The following ZSWIM5 variants were observed in gnomAD, a reference collection of about 807,000 sequenced individuals.
The protein encoded by ZSWIM5 is zinc finger SWIM domain-containing protein 5.
ZSWIM5 carries 55 observed loss-of-function variants against 119.6 expected under a neutral mutation model. The ratio of observed to expected loss-of-function variants is 0.46; its 90% CI spans 0.37 to 0.58. The LOEUF (loss-of-function observed/expected upper bound fraction) is 0.58. ZSWIM5 is among the 20% of genes least tolerant of loss of function. The pLI is 0.00. For missense variants in ZSWIM5, 1,193 were observed against 1,512.8 expected (o/e 0.79, Z 3.51); for synonymous variants, 537 against 606.9 (o/e 0.88, Z 1.69).
chr1:45,040,027 A>T (rs943485107), intron 7 of ZSWIM5, among the ~76,000 whole-genome samples: 1 of 150,500 alleles, frequency 6.6e-6, no homozygotes, highest in Non-Finnish European at 1.5e-5. Flanking sequence ...TTGTAAAGAT[A>T]GGGTCTCACC....
intron 1 of ZSWIM5, among the ~76,000 whole-genome samples, chr1:45,108,487 A>T: frequency 1.3e-5 from 2 of 152,338 alleles, no homozygotes; most frequent in South Asian, 4.1e-4. Context: ...TTTATTTTAA[A>T]GTATTAAAAA....
chr1:45,096,249 T>A lies in ZSWIM5; in HGVS notation c.596-8012A>T, dbSNP rs191720508. On this transcript the variant is annotated intron_variant, in intron 1 of 13. Transcript: ENST00000359600. Reference sequence around the variant, plus strand: ...GTATAAAGAGAAGCAATATATAATGTTAGACTTGGTAGTGTACCACAGTTA... The same window carrying A: ...GTATAAAGAGAAGCAATATATAATGATAGACTTGGTAGTGTACCACAGTTA... 6.2e-4 allele frequency among the ~76,000 whole-genome samples: 95 copies of A among 152,176 alleles called. 1 individual carries two copies. The highest frequency in any genetic ancestry group is 1.2e-4 in the Non-Finnish European group (8 of 67,994).
chr1:45,085,301 G>A (rs346705), intron 2 of ZSWIM5, among the ~76,000 whole-genome samples: 23,287 of 152,060 alleles, frequency 0.15, 1,812 homozygotes, highest in African/African-American at 0.16. Context: ...TCCCTCCTAG[G>A]TCTCTGGGCC....
chr1:45,143,892 TATA>T (rs908959990), intron 1 of ZSWIM5, among the ~76,000 whole-genome samples: 11 of 151,594 alleles, frequency 7.3e-5, no homozygotes, highest in African/African-American at 2.4e-5. Context: ...AAAAAACAAT[TATA>T]ATAACTTCAA....
intron 1 of ZSWIM5, among the ~76,000 whole-genome samples, chr1:45,204,337 TTTTCAGTG>T (rs2149058804): frequency 6.6e-6 from 1 of 152,310 alleles, no homozygotes; most frequent in Non-Finnish European, 1.5e-5. Flanking sequence ...TATTTTCATG[TTTTCAGTG>T]TTTCAGTATT....
intron 1 of ZSWIM5, among the ~76,000 whole-genome samples, chr1:45,202,991 T>A (rs1299046056): frequency 2.6e-5 from 4 of 152,054 alleles, no homozygotes; most frequent in Non-Finnish European, 5.9e-5. Context: ...AACATTCATA[T>A]GTTTTCAATA....
At chr1:45,027,223 T>C (rs185256920) in intron 11 of ZSWIM5, among the ~76,000 whole-genome samples, 1 of 152,108 alleles carries the variant, frequency 6.6e-6, no homozygotes, top group Non-Finnish European at 1.5e-5. Flanking sequence ...TGATTTCTGC[T>C]CTAATTTTTG....
At chr1:45,030,490 G>T (rs997385288) in intron 11 of ZSWIM5, among the ~76,000 whole-genome samples, 1 of 151,436 alleles carries the variant, frequency 6.6e-6, no homozygotes, top group Admixed American at 6.6e-5. Context: ...TAGGTTATCC[G>T]CCCGCCTCAG....
At chr1:45,070,412 A>T in intron 2 of ZSWIM5, 1 of 1,401,848 alleles carries the variant, frequency 7.1e-7, no homozygotes, top group Non-Finnish European at 1.0e-6. Context: ...AGAACGGGAC[A>T]TGGTACAAAG....
chr1:45,206,215 C>A lies in ZSWIM5; in HGVS notation c.136G>T (p.Gly46Cys). ...AGGACCAGGCAGCTGCTGCCGACGC[C>A]CCCTGCCCCTCCGCCGGCTGCCCCA... is the stretch of plus-strand genomic sequence containing the variant. ...SPGAAGGGAGGVGSSCLVLGA... is the reference protein window; with the variant it reads ...SPGAAGGGAGCVGSSCLVLGA... Residue 46 changes from glycine (G) to cysteine (C), a missense_variant, in exon 1 of 14, where the codon GGC becomes TGC. Physicochemically the swap from Gly to Cys is radical, Grantham distance 159. Around this residue, in one of 2 missense-constraint regions of ZSWIM5, gnomAD observed 232 missense variants for 222.9 expected, o/e 1.04. Transcript: ENST00000359600. The A allele has an allele frequency of 6.3e-7, 1 of 1,590,140 alleles. No individual in the cohort carries two copies. The highest frequency in any genetic ancestry group is 1.3e-5 in the African/African-American group (1 of 74,400).
intron 1 of ZSWIM5, among the ~76,000 whole-genome samples, chr1:45,114,695 A>T (rs1233463543): frequency 5.8e-5 from 8 of 138,174 alleles, no homozygotes; most frequent in African/African-American, 2.2e-4. Context: ...TTTCTCGGAG[A>T]GGGATTTGGC....
chr1:45,080,327 C>G (rs1002939594), intron 2 of ZSWIM5, among the ~76,000 whole-genome samples: 1 of 152,148 alleles, frequency 6.6e-6, no homozygotes, highest in Non-Finnish European at 1.5e-5. Context: ...GGCAATTCCT[C>G]TTTGGCTAGG....
intron 2 of ZSWIM5, among the ~76,000 whole-genome samples, chr1:45,061,012 TAG>T (rs1362888122): frequency 6.6e-6 from 1 of 152,180 alleles, no homozygotes; most frequent in Non-Finnish European, 1.5e-5. Flanking sequence ...AAAGCATAAG[TAG>T]AGTTTCATAC....
rs771080302 is a variant in ZSWIM5 at position 45,043,187 on chromosome 1, C to T, written c.1609+32G>A. 3.7e-6 allele frequency: 6 copies of T among 1,608,298 alleles called. No homozygotes were observed. In the South Asian group the frequency reaches 5.5e-5, roughly 15 times the overall value. ...TGGGCCTGGCATGAAGTGAGGGTGG[C>T]TCTAAAGTTCTTAGAGGAGGGCTAG... is the stretch of plus-strand genomic sequence containing the variant. On this transcript the variant is annotated intron_variant, in intron 6 of 13. Transcript: ENST00000359600.
In ZSWIM5 at chr1:45,182,137, C is replaced by A. The variant is rs982647823; in HGVS notation, c.595+23619G>T. On this transcript the variant is annotated intron_variant, in intron 1 of 13. Transcript: ENST00000359600. ...CTCCAATTAAAAGACACAGACTGGG[C>A]CGGGCGCGGTGGCTCACGCCTGTAA... Among the ~76,000 whole-genome samples, 27 of 152,138 alleles carry A rather than the reference C, an allele frequency of 1.8e-4. 1 individual carries two copies. Among genetic ancestry groups the A allele is most frequent in the Admixed American group, 1.3e-3 (20 of 15,282 alleles).
At chr1:45,195,919 G>C (rs1010843175) in intron 1 of ZSWIM5, among the ~76,000 whole-genome samples, 2 of 148,588 alleles carry the variant, frequency 1.3e-5, no homozygotes, top group African/African-American at 5.0e-5. Flanking sequence ...CTACGCTGGA[G>C]AGCAGTGACG....
chr1:45,086,403 A>T (rs976742546), intron 2 of ZSWIM5, among the ~76,000 whole-genome samples: 1 of 152,230 alleles, frequency 6.6e-6, no homozygotes, highest in Non-Finnish European at 1.5e-5. Context: ...CTTTAGAGAA[A>T]TTCAAAAAAT....
chr1:45,161,774 T>C (rs1286012912), intron 1 of ZSWIM5, among the ~76,000 whole-genome samples: 1 of 152,232 alleles, frequency 6.6e-6, no homozygotes, highest in Non-Finnish European at 1.5e-5. Context: ...GTTACACTAG[T>C]TACCTTATGC....
intron 1 of ZSWIM5, among the ~76,000 whole-genome samples, chr1:45,133,862 T>C (rs1240501364): frequency 2.0e-5 from 3 of 152,056 alleles, no homozygotes; most frequent in Non-Finnish European, 4.4e-5. Context: ...GTTTATTAAA[T>C]AGGGAATCCT....
Sources: allele counts gnomAD v4.1 joint callset (sites outside exome capture counted in the v4.1 genomes callset), GRCh38; gene constraint gnomAD v4.1.1; regional missense constraint gnomAD v4.1.1; transcripts MANE v1.5; gene names NCBI Gene and HGNC (gene_info 2026-07-23, HGNC 2026-07-21).